The following SEMA3C variants were observed in gnomAD, a reference collection of about 807,000 sequenced individuals.
SEMA3C encodes the protein semaphorin-3C.
A neutral mutation model predicts 89.4 loss-of-function variants in SEMA3C; 47 were observed. The ratio of observed to expected loss-of-function variants is 0.53; its 90% CI spans 0.42 to 0.67. The LOEUF is 0.67. SEMA3C is among the 30% of genes least tolerant of loss of function. The pLI, the probability that SEMA3C is intolerant of heterozygous loss-of-function variation, is 0.00. For missense variants in SEMA3C, 839 were observed against 929.1 expected (o/e 0.90, Z 1.26); for synonymous variants, 310 against 320.2 (o/e 0.97, Z 0.34).
intron 4 of SEMA3C, among the ~76,000 whole-genome samples, chr7:80,824,428 A>G (rs12670551): frequency 0.37 from 55,998 of 151,890 alleles, 10,620 homozygotes; most frequent in East Asian, 0.53. Flanking sequence ...GTGAGTAGAT[A>G]TTTCCCAGGC....
chr7:80,905,928 T>C, intron 2 of SEMA3C: 1 of 1,274,778 alleles, frequency 7.8e-7, no homozygotes, highest in Non-Finnish European at 1.0e-6. Context: ...TGGAAAAGAG[T>C]CATGGAATTG....
At chr7:80,775,413 A>G (rs976349483) in intron 12 of SEMA3C, among the ~76,000 whole-genome samples, 1 of 152,124 alleles carries the variant, frequency 6.6e-6, no homozygotes, top group Non-Finnish European at 1.5e-5. Flanking sequence ...AAAACTATTT[A>G]CTCTAAAAAA....
At chr7:80,783,147 A>G (rs1329630952) in intron 12 of SEMA3C, among the ~76,000 whole-genome samples, 2 of 152,164 alleles carry the variant, frequency 1.3e-5, no homozygotes, top group African/African-American at 2.4e-5. Flanking sequence ...TGCTTTTTGA[A>G]ACAAATTTTT....
rs755831389 is a variant in SEMA3C at position 80,748,904 on chromosome 7, C to A, written c.1836G>T (p.Arg612Ser). The change falls in exon 17 of 18, where the codon AGG (arginine) becomes AGT (serine). Residue 612 changes from arginine to serine, a missense_variant. Arg to Ser is a moderately radical substitution (Grantham distance 110, BLOSUM62 -1). Coordinates refer to ENST00000265361, the MANE Select transcript of SEMA3C (RefSeq NM_006379.5). ...GCTGTGCTGCTTTACTCACCTCTTT[C>A]CTCCTGTCTTTGTCTTTCTGTAACA... ...KWLLQKDKDRRKEVKLNERII... is the reference protein window; with the variant it reads ...KWLLQKDKDRSKEVKLNERII... 6.2e-7 allele frequency: 1 copy of A among 1,611,244 alleles called. No individual in the cohort carries two copies. The highest frequency in any genetic ancestry group is 1.1e-5 in the South Asian group (1 of 90,616).
chr7:80,888,465 A>AAAAT (rs959706426), intron 2 of SEMA3C, among the ~76,000 whole-genome samples: 36 of 152,064 alleles, frequency 2.4e-4, no homozygotes, highest in Non-Finnish European at 3.8e-4. Flanking sequence ...ACCCTGTCTA[A>AAAAT]AAATAAATAA....
At chr7:80,790,924 T>C (rs1236404309) in intron 11 of SEMA3C, among the ~76,000 whole-genome samples, 1 of 152,186 alleles carries the variant, frequency 6.6e-6, no homozygotes, top group African/African-American at 2.4e-5. Context: ...GGTTAGTAGA[T>C]AATCACCAAA....
chr7:80,863,529 T>A (rs992488513), intron 2 of SEMA3C, among the ~76,000 whole-genome samples: 2 of 151,652 alleles, frequency 1.3e-5, no homozygotes, highest in Non-Finnish European at 2.9e-5. Flanking sequence ...AGGAAAAGAA[T>A]TCGTTATAGA....
At chr7:80,751,202 C>A (rs1787927230) in intron 16 of SEMA3C, 67 bp downstream of exon 16, 2 of 1,265,954 alleles carry the variant, frequency 1.6e-6, no homozygotes, top group East Asian at 4.7e-5. Flanking sequence ...AATGTTTCCC[C>A]TTACTGAAAT....
intron 10 of SEMA3C, 93 bp from the exon 11 acceptor site, chr7:80,798,329 T>C: frequency 9.0e-7 from 1 of 1,117,140 alleles, no homozygotes; most frequent in South Asian, 2.5e-5. Flanking sequence ...AAAAAGTTAA[T>C]ATAATCCACC....
At chr7:80,822,385 A>T (rs1328963393) in intron 4 of SEMA3C, among the ~76,000 whole-genome samples, 3 of 144,308 alleles carry the variant, frequency 2.1e-5, no homozygotes, top group Admixed American at 7.7e-5. Context: ...CAGCAAAAAA[A>T]AATAAATAAA....
chr7:80,743,385 TTA>T lies in SEMA3C; in HGVS notation c.*1507_*1508del, dbSNP rs1787725859. 1 of 151,904 alleles carries T rather than the reference TTA, an allele frequency of 6.6e-6. No homozygotes were observed. Among genetic ancestry groups the T allele is most frequent in the African/African-American group, 2.4e-5 (1 of 41,442 alleles). 9.4% of individuals were successfully genotyped at this position (151,904 alleles called of 1,614,324 possible). ...GACAATGATTTTAGTTTTTGAAGTT[TTA>T]GACTGCAATACTTAAAAAGGCCATA... On this transcript the variant is annotated 3_prime_UTR_variant, in exon 18 of 18. Coordinates refer to ENST00000265361, the MANE Select transcript of SEMA3C (RefSeq NM_006379.5).
intron 2 of SEMA3C, among the ~76,000 whole-genome samples, chr7:80,914,841 C>T (rs1055139357): frequency 6.6e-6 from 1 of 152,180 alleles, no homozygotes; most frequent in East Asian, 1.9e-4. Context: ...CCCATCATTA[C>T]TTCTAGTCAC....
At chr7:80,838,223 T>C (rs1056593829) in intron 2 of SEMA3C, among the ~76,000 whole-genome samples, 9 of 152,202 alleles carry the variant, frequency 5.9e-5, no homozygotes, top group African/African-American at 2.2e-4. Flanking sequence ...AGTTTCACCT[T>C]TTGCTGGTAC....
intron 17 of SEMA3C, among the ~76,000 whole-genome samples, chr7:80,745,649 A>G (rs1282204452): frequency 6.6e-6 from 1 of 152,148 alleles, no homozygotes; most frequent in Non-Finnish European, 1.5e-5. Context: ...ATCACAGTCA[A>G]TATCTGTAAA....
intron 2 of SEMA3C, among the ~76,000 whole-genome samples, chr7:80,907,223 C>G (rs1792035934): frequency 6.6e-6 from 1 of 151,970 alleles, no homozygotes; most frequent in Admixed American, 6.6e-5. Flanking sequence ...AAAAAAAATT[C>G]CAGTTGCATG....
intron 17 of SEMA3C, 112 bp from the exon 18 acceptor site, chr7:80,745,419 A>C: frequency 1.0e-6 from 1 of 1,001,330 alleles, no homozygotes; most frequent in Non-Finnish European, 1.5e-6. Context: ...AAAAGTATTG[A>C]GCACTACTTA....
chr7:80,782,107 C>T (rs940899625), intron 12 of SEMA3C, among the ~76,000 whole-genome samples: 2 of 152,160 alleles, frequency 1.3e-5, no homozygotes, highest in Non-Finnish European at 2.9e-5. Flanking sequence ...TTTAGTGATA[C>T]ATCAAAAATG....
intron 4 of SEMA3C, among the ~76,000 whole-genome samples, chr7:80,821,868 A>G (rs1020847193): frequency 1.3e-5 from 2 of 152,126 alleles, no homozygotes; most frequent in Admixed American, 6.5e-5. Flanking sequence ...GCCACTCTCC[A>G]CTGTGCAGCT....
intron 2 of SEMA3C, among the ~76,000 whole-genome samples, chr7:80,869,650 T>C (rs1046950984): frequency 6.6e-6 from 1 of 152,204 alleles, no homozygotes; most frequent in African/African-American, 2.4e-5. Context: ...AGCTTTTTGA[T>C]TAACATGTTT....
Sources: allele counts gnomAD v4.1 joint callset (sites outside exome capture counted in the v4.1 genomes callset), GRCh38; gene constraint gnomAD v4.1.1; transcripts MANE v1.5; gene names NCBI Gene and HGNC (gene_info 2026-07-23, HGNC 2026-07-21).